The following SLC24A2 variants were observed in gnomAD, a reference collection of about 807,000 sequenced individuals.
The protein encoded by SLC24A2 is solute carrier family 24 member 2, also known as sodium/potassium/calcium exchanger 2.
In SLC24A2, 36 loss-of-function variants were observed where a neutral mutation model predicts 62.0. The observed-to-expected ratio is 0.58, with a 90% CI of 0.44 to 0.77. SLC24A2 has a LOEUF of 0.77. Ranked by LOEUF, SLC24A2 falls within the 30% of genes least tolerant of loss-of-function variation. The probability of loss-of-function intolerance (pLI) is 0.00; values close to 1 mark genes in which losing one functional copy is unlikely to be tolerated. For synonymous variants in SLC24A2, 358 were observed against 294.0 expected, an observed-to-expected ratio of 1.22 and a Z score of -2.23; for missense variants, 846 against 817.9, an observed-to-expected ratio of 1.03 and a Z score of -0.42.
the SLC24A2 span, among the ~76,000 whole-genome samples, chr9:20,258,961 G>A: frequency 4.9e-4 from 74 of 152,132 alleles, 1 homozygote; most frequent in Middle Eastern, 6.8e-3. Context: ...GCTCTGAGAA[G>A]GGGAGAGTAT....
chr9:19,764,446 TG>T (rs1447061318), intron 2 of SLC24A2, among the ~76,000 whole-genome samples: 2 of 152,244 alleles, frequency 1.3e-5, no homozygotes. Flanking sequence ...TTTAGTGCTG[TG>T]AATTTCCCTC....
the SLC24A2 span, among the ~76,000 whole-genome samples, chr9:19,863,701 A>ATAG: frequency 0.62 from 93,759 of 151,292 alleles, 29,544 homozygotes; most frequent in Non-Finnish European, 0.64. Context: ...TCTATGGAAT[A>ATAG]CAGTGGAGCC....
At chr9:19,809,302 T>C in the SLC24A2 span, among the ~76,000 whole-genome samples, 2 of 152,264 alleles carry the variant, frequency 1.3e-5, no homozygotes, top group South Asian at 4.1e-4. Context: ...CTAAAAAAAT[T>C]ACACAGGTAC....
At chr9:19,964,909 G>A in the SLC24A2 span, among the ~76,000 whole-genome samples, 10 of 152,166 alleles carry the variant, frequency 6.6e-5, no homozygotes, top group Non-Finnish European at 1.2e-4. Context: ...GAGAAGCAAC[G>A]AGACGGGACA....
At chr9:19,582,468 G>T (rs1038876518) in intron 5 of SLC24A2, among the ~76,000 whole-genome samples, 1 of 152,142 alleles carries the variant, frequency 6.6e-6, no homozygotes. Context: ...GAGAGAAAAA[G>T]ATGCAAAGAG....
intron 2 of SLC24A2, among the ~76,000 whole-genome samples, chr9:19,782,977 G>T (rs1157465192): frequency 6.6e-6 from 1 of 152,084 alleles, no homozygotes; most frequent in Non-Finnish European, 1.5e-5. Context: ...AAAAAGGGTA[G>T]TAGCATCACT....
At chr9:19,624,602 A>G (rs1251147589) in intron 2 of SLC24A2, among the ~76,000 whole-genome samples, 3 of 152,212 alleles carry the variant, frequency 2.0e-5, no homozygotes, top group Non-Finnish European at 4.4e-5. Context: ...GACAGGCCTG[A>G]AATTCTCTAT....
At chr9:20,273,384 T>C in the SLC24A2 span, among the ~76,000 whole-genome samples, 3 of 152,112 alleles carry the variant, frequency 2.0e-5, no homozygotes, top group African/African-American at 7.2e-5. Flanking sequence ...ACAAAAAGCA[T>C]CCAAAGTGAT....
At chr9:19,604,669 G>A (rs1836934460) in intron 4 of SLC24A2, among the ~76,000 whole-genome samples, 1 of 152,088 alleles carries the variant, frequency 6.6e-6, no homozygotes, top group Non-Finnish European at 1.5e-5. Context: ...AGCCATCCAA[G>A]AAGGGAAAAA....
the SLC24A2 span, among the ~76,000 whole-genome samples, chr9:19,925,742 G>C: frequency 5.9e-5 from 9 of 152,110 alleles, no homozygotes; most frequent in African/African-American, 2.2e-4. Flanking sequence ...GATGTGACAG[G>C]GTTCCTTCTC....
the SLC24A2 span, among the ~76,000 whole-genome samples, chr9:20,131,547 A>G: frequency 6.6e-6 from 1 of 152,186 alleles, no homozygotes; most frequent in Non-Finnish European, 1.5e-5. Context: ...TTGTAGCAAA[A>G]GTCAAAGGCC....
chr9:19,786,913 C>T lies in SLC24A2; in HGVS notation c.-47G>A, dbSNP rs1249064409. On this transcript the variant is annotated 5_prime_UTR_variant, in exon 2 of 11. Transcript: ENST00000341998. This position sits in a 1 kb window ranked among gnomAD's most constrained non-coding sequence, Gnocchi z 5.0. The stretch of plus-strand genomic sequence containing the variant: ...GGTGATCTTCCAACTTTAGACTCAA[C>T]CAGATGGTTCTTTCATACTTTTCCT... 1.3e-6 allele frequency: 2 copies of T among 1,595,952 alleles called. No homozygotes were observed. Among genetic ancestry groups the T allele is most frequent in the Admixed American group, 3.4e-5 (2 of 58,542 alleles).
the SLC24A2 span, among the ~76,000 whole-genome samples, chr9:20,079,235 C>A: frequency 6.6e-6 from 1 of 152,144 alleles, no homozygotes; most frequent in African/African-American, 2.4e-5. Flanking sequence ...TTTTGGACTT[C>A]CGGCCTTCAG....
chr9:19,904,621 T>C, the SLC24A2 span, among the ~76,000 whole-genome samples: 1 of 152,244 alleles, frequency 6.6e-6, no homozygotes, highest in Non-Finnish European at 1.5e-5. Context: ...ACTACTTTCC[T>C]GGTTTTTGAT....
At chr9:19,718,284 CTTTTTTTTTT>C (rs71335446) in intron 2 of SLC24A2, among the ~76,000 whole-genome samples, 13 of 55,714 alleles carry the variant, frequency 2.3e-4, no homozygotes, top group South Asian at 2.2e-3. Context: ...TGATTTAACA[CTTTTTTTTTT>C]TTTTTTTTTT....
chr9:20,212,066 T>C, the SLC24A2 span, among the ~76,000 whole-genome samples: 5 of 148,822 alleles, frequency 3.4e-5, no homozygotes, highest in African/African-American at 1.3e-4. Flanking sequence ...AACTTCCCTA[T>C]TACAAAAGAA....
chr9:20,262,293 A>G, the SLC24A2 span, among the ~76,000 whole-genome samples: 1 of 152,180 alleles, frequency 6.6e-6, no homozygotes, highest in Non-Finnish European at 1.5e-5. Context: ...TGTCCTACCT[A>G]TGTGACCCTG....
the SLC24A2 span, among the ~76,000 whole-genome samples, chr9:20,215,765 T>A: frequency 1.3e-5 from 2 of 152,044 alleles, no homozygotes; most frequent in Non-Finnish European, 2.9e-5. Context: ...GATCCACCCC[T>A]GAGGTAGAGA....
chr9:19,556,660 G>A (rs973270730), intron 7 of SLC24A2, among the ~76,000 whole-genome samples: 1 of 152,124 alleles, frequency 6.6e-6, no homozygotes, highest in African/African-American at 2.4e-5. Flanking sequence ...GTAACACTTA[G>A]GAGTGCTACC....
Sources: gnomAD v4.1 joint callset for allele counts (sites outside exome capture counted in the v4.1 genomes callset) on GRCh38, gnomAD v4.1.1 for gene constraint, Gnocchi (gnomAD v3.1) non-coding constraint, MANE v1.5 for transcripts, NCBI Gene and HGNC (gene_info 2026-07-23, HGNC 2026-07-21) for gene names.